Variants in PARVB observed in about 807,000 individuals in gnomAD.
PARVB encodes the protein beta-parvin.
A neutral mutation model predicts 47.0 loss-of-function variants in PARVB; 46 were observed. The observed-to-expected ratio is 0.98, with a 90% CI of 0.77 to 1.25. The LOEUF is 1.25. Ranked by LOEUF, PARVB falls within the 50% of genes most tolerant of loss-of-function variation. PARVB has a pLI of 0.00. For missense variants in PARVB, 473 were observed against 471.6 expected, an observed-to-expected ratio of 1.00 and a Z score of -0.03; for synonymous variants, 196 against 196.3, an observed-to-expected ratio of 1.00 and a Z score of 0.01.
intron 10 of PARVB, among the ~76,000 whole-genome samples, chr22:44,153,919 G>A (rs1338526624): frequency 6.6e-6 from 1 of 152,216 alleles, no homozygotes; most frequent in African/African-American, 2.4e-5. Flanking sequence ...GCAGCTTTGT[G>A]CACGGCTGTC....
At chr22:44,065,794 T>C (rs1181696109) in intron 1 of PARVB, among the ~76,000 whole-genome samples, 1 of 152,202 alleles carries the variant, frequency 6.6e-6, no homozygotes, top group Non-Finnish European at 1.5e-5. Flanking sequence ...TCCAGGTTAC[T>C]GCGAATATCA....
intron 1 of PARVB, among the ~76,000 whole-genome samples, chr22:44,091,024 G>A (rs2052153908): frequency 6.6e-6 from 1 of 152,202 alleles, no homozygotes; most frequent in Admixed American, 6.5e-5. Context: ...GTGACCTGTG[G>A]GGGTTCTTCT....
rs571332746 is a variant in PARVB at position 44,011,430 on chromosome 22, T to C, written c.211+11757T>C. ...GCGTTTGAGACCAGCCTGGCCAACA[T>C]GATGAAACCCTGTCTCTACTTTATA... On this transcript the variant is annotated intron_variant, in intron 2 of 13. Coordinates refer to the PARVB transcript ENST00000406477. Among the ~76,000 whole-genome samples the C allele has an allele frequency of 1.0e-3, 152 of 152,118 alleles. 1 individual carries two copies. Among genetic ancestry groups the C allele is most frequent in the African/African-American group, 3.5e-3 (144 of 41,532 alleles).
At chr22:43,999,290 C>T in exon 1 of PARVB, 1 of 1,387,628 alleles carries the variant, frequency 7.2e-7, no homozygotes, top group South Asian at 1.3e-5. Context: ...CTGAATTCTC[C>T]CTTTTTAAAG....
intron 1 of PARVB, among the ~76,000 whole-genome samples, chr22:44,032,330 G>A (rs2050840468): frequency 6.6e-6 from 1 of 152,216 alleles, no homozygotes; most frequent in Non-Finnish European, 1.5e-5. Flanking sequence ...AACCAGCGGA[G>A]TCTTTTACCT....
intron 8 of PARVB, 26 bp from the exon 9 acceptor site, chr22:44,147,835 T>A: frequency 6.2e-7 from 1 of 1,610,458 alleles, no homozygotes; most frequent in Non-Finnish European, 8.5e-7. Context: ...AAACGCTCCT[T>A]CGTGTCTCTC....
At chr22:44,048,380 T>C (rs1381349370) in intron 1 of PARVB, among the ~76,000 whole-genome samples, 1 of 149,774 alleles carries the variant, frequency 6.7e-6, no homozygotes, top group Non-Finnish European at 1.5e-5. Flanking sequence ...TTCGCTCGAA[T>C]TTTTTTTTTG....
intron 1 of PARVB, among the ~76,000 whole-genome samples, chr22:44,066,584 C>G (rs980220113): frequency 6.6e-6 from 1 of 152,200 alleles, no homozygotes; most frequent in Non-Finnish European, 1.5e-5. Context: ...GCCTGGCACA[C>G]AGTAGGTGCA....
chr22:44,066,807 CCTCCTCCTCCTCCTCTTCCTCCTCCAT>C (rs2051542207), intron 1 of PARVB, among the ~76,000 whole-genome samples: 1 of 145,860 alleles, frequency 6.9e-6, no homozygotes, highest in Non-Finnish European at 1.5e-5. Flanking sequence ...TCCTCCTCCT[CCTCCTCCTCCTCCTCTTCCTCCTCCAT>C]CTCCTCCTCT....
chr22:43,999,848 A>AAAC (rs2050395816), intron 2 of PARVB, among the ~76,000 whole-genome samples: 2 of 122,178 alleles, frequency 1.6e-5, no homozygotes, highest in Non-Finnish European at 3.4e-5. Context: ...AAAAAAAAAA[A>AAAC]AAAAAAAAAA....
At chr22:44,079,833 C>T (rs1234187530) in intron 1 of PARVB, among the ~76,000 whole-genome samples, 2 of 152,140 alleles carry the variant, frequency 1.3e-5, no homozygotes, top group East Asian at 3.9e-4. Context: ...GAGGCTGAGG[C>T]AGGAGGATCG....
At chr22:44,046,198 G>A (rs935097383) in intron 1 of PARVB, among the ~76,000 whole-genome samples, 1 of 152,224 alleles carries the variant, frequency 6.6e-6, no homozygotes, top group Non-Finnish European at 1.5e-5. Context: ...TGTTGTCCTT[G>A]CCAGTGGTCG....
intron 1 of PARVB, among the ~76,000 whole-genome samples, chr22:44,063,992 G>A (rs966855563): frequency 2.6e-5 from 4 of 152,224 alleles, no homozygotes; most frequent in African/African-American, 9.6e-5. Flanking sequence ...AGAGGCCTGG[G>A]ATCGCTTTCC....
intron 1 of PARVB, among the ~76,000 whole-genome samples, chr22:44,061,777 C>A (rs1261122812): frequency 6.6e-6 from 1 of 152,054 alleles, no homozygotes. Context: ...CTACCACACC[C>A]AGCTAATTTT....
At chr22:44,147,977 C>T in intron 9 of PARVB, 55 bp downstream of exon 9, 1 of 1,357,876 alleles carries the variant, frequency 7.4e-7, no homozygotes, top group Admixed American at 1.7e-5. Context: ...GGCTTTTTGA[C>T]AGCACAAACG....
chr22:44,026,478 T>A, intron 1 of PARVB: 1 of 393,096 alleles, frequency 2.5e-6, no homozygotes, highest in Non-Finnish European at 3.5e-6. Context: ...AGGGACAGGC[T>A]GGATTGGGAA....
chr22:44,149,171 C>T (rs999663002), intron 9 of PARVB: 2 of 152,192 alleles, frequency 1.3e-5, no homozygotes, highest in Non-Finnish European at 2.9e-5. Flanking sequence ...CTGGGATTCT[C>T]TCTGTGCATG....
In PARVB at chr22:44,032,386, G is replaced by A. The variant is rs116098041; in HGVS notation, c.112+7935G>A. Among the ~76,000 whole-genome samples the A allele has an allele frequency of 3.6e-3, 554 of 152,240 alleles. 5 individuals are homozygous for A. Among genetic ancestry groups the A allele is most frequent in the African/African-American group, 0.012 (512 of 41,532 alleles). ...AGTGTCTGGGCCGTGGGGACTGAACGCACCCTTTGAGGCTATGTGTGTTAA... is the reference window on the plus strand; with the variant it reads ...AGTGTCTGGGCCGTGGGGACTGAACACACCCTTTGAGGCTATGTGTGTTAA... On this transcript the variant is annotated intron_variant, in intron 1 of 12. Transcript: ENST00000338758.
chr22:44,000,977 G>C (rs9614306), intron 2 of PARVB, among the ~76,000 whole-genome samples: 2 of 152,350 alleles, frequency 1.3e-5, no homozygotes, highest in East Asian at 3.9e-4. Flanking sequence ...GGCCAGGTGC[G>C]GTGGCCCATG....
Sources: gnomAD v4.1 joint callset for allele counts (sites outside exome capture counted in the v4.1 genomes callset) on GRCh38, gnomAD v4.1.1 for gene constraint, MANE v1.5 for transcripts, NCBI Gene and HGNC (gene_info 2026-07-23, HGNC 2026-07-21) for gene names.